SASS6: variants seen among roughly 807,000 people sequenced by gnomAD.
The protein encoded by SASS6 is SAS-6 centriolar assembly protein.
SASS6 carries 59 observed loss-of-function variants against 94.9 expected under a neutral mutation model. The ratio of observed to expected loss-of-function variants is 0.62; its 90% confidence interval spans 0.50 to 0.77. SASS6 has a LOEUF of 0.77. Ranked by LOEUF, SASS6 falls within the 30% of genes least tolerant of loss-of-function variation. SASS6 has a pLI of 0.00. For missense variants in SASS6, 698 were observed against 734.1 expected, an observed-to-expected ratio of 0.95 and a Z score of 0.57; for synonymous variants, 264 against 270.0, an observed-to-expected ratio of 0.98 and a Z score of 0.22.
chr1:100,125,860 C>CA, intron 2 of SASS6, 22 bp downstream of exon 2: 3 of 1,268,018 alleles, frequency 2.4e-6, no homozygotes, highest in African/African-American at 1.5e-5. Context: ...AATGATATTT[C>CA]AAAAAAGGAC....
chr1:100,130,941 G>T (rs989924132), intron 1 of SASS6, among the ~76,000 whole-genome samples: 1 of 152,156 alleles, frequency 6.6e-6, no homozygotes, highest in African/African-American at 2.4e-5. Context: ...TGGCCCATGT[G>T]CTCCAGTTTG....
At chr1:100,085,725 T>A in intron 15 of SASS6, 95 bp from the exon 16 acceptor site, 1 of 700,580 alleles carries the variant, frequency 1.4e-6, no homozygotes, top group Non-Finnish European at 2.4e-6. Flanking sequence ...ATAATGTAAC[T>A]AAGTTCTATT....
In SASS6 at chr1:100,110,628, C is replaced by T. The variant is rs1207490740; in HGVS notation, c.670-145G>A. The stretch of plus-strand genomic sequence containing the variant: ...TAATTTTGTCATCTTTCTTTAGATC[C>T]CCATTCTGAAAAGGGTCTATTTTCA... On this transcript the variant is annotated intron_variant, in intron 7 of 16. Coordinates refer to ENST00000287482, the MANE Select transcript of SASS6 (RefSeq NM_194292.3). 4 of 478,694 alleles carry T rather than the reference C, an allele frequency of 8.4e-6. No individual in the cohort carries two copies. The East Asian group carries it at 1.0e-4, about 12-fold the overall frequency. 29.7% of individuals were successfully genotyped at this position (478,694 alleles called of 1,614,324 possible). A position where few individuals can be genotyped will look rare whatever the true frequency, so the allele number is the denominator to read the frequency against.
At chr1:100,105,656 C>T in intron 13 of SASS6, 111 bp downstream of exon 13, 2 of 991,396 alleles carry the variant, frequency 2.0e-6, no homozygotes, top group Non-Finnish European at 3.0e-6. Context: ...TGTAGGACTC[C>T]ACTTTGTATT....
chr1:100,100,052 G>T (rs1021222583), intron 14 of SASS6, among the ~76,000 whole-genome samples: 1 of 152,046 alleles, frequency 6.6e-6, no homozygotes, highest in Admixed American at 6.6e-5. Context: ...GATCACTTGA[G>T]GTCAGGAGTT....
rs913001301 is a variant in SASS6, at chr1:100,102,997, C to T, written c.1632G>A (p.Ser544=). The T allele has an allele frequency of 3.7e-6, 6 of 1,611,058 alleles. No individual in the cohort carries two copies. The African/African-American group carries it at 4.0e-5, about 11-fold the overall frequency. The change falls in exon 14 of 17, where the codon TCG becomes TCA. Residue 544 remains serine, a synonymous_variant. Coordinates refer to ENST00000287482, the MANE Select transcript of SASS6 (RefSeq NM_194292.3). The part of the protein sequence containing the change: ...AFAFQNTFPH[S]ISAKNTSHPG... ...GGTGGCTGGTATTTTTGGCAGATATCGAATGAGGGAAGGTATTCTGGAATG... is the reference window on the plus strand; with the variant it reads ...GGTGGCTGGTATTTTTGGCAGATATTGAATGAGGGAAGGTATTCTGGAATG...
chr1:100,120,976 G>A (rs1226020526), intron 5 of SASS6, among the ~76,000 whole-genome samples: 2 of 150,118 alleles, frequency 1.3e-5, no homozygotes, highest in African/African-American at 2.5e-5. Context: ...CGTGAACCCG[G>A]GAGGCGGAGC....
In SASS6 at chr1:100,121,550, C is replaced by A; in HGVS notation, c.312-1G>T. On this transcript the variant is annotated splice_acceptor_variant, in intron 4 of 16. Coordinates refer to ENST00000287482, the MANE Select transcript of SASS6 (RefSeq NM_194292.3). LOFTEE classifies it high-confidence loss of function. ...TGGAGAAACTAACTGTAGCAAAAAC[C>A]TTTGAAAAGAAAATGTTACATTATA... 6.4e-7 allele frequency: 1 copy of A among 1,551,466 alleles called. No homozygotes were observed. Among genetic ancestry groups the A allele is most frequent in the Admixed American group, 1.9e-5 (1 of 53,836 alleles).
intron 14 of SASS6, among the ~76,000 whole-genome samples, chr1:100,102,675 CAA>C (rs67844941): frequency 2.7e-4 from 19 of 70,080 alleles, no homozygotes; most frequent in Admixed American, 7.6e-4. Flanking sequence ...AAGACTGTCT[CAA>C]AAAAAAAAAA....
In SASS6 at chr1:100,084,898, G is replaced by A. The variant is rs1196940397; in HGVS notation, c.*430C>T. On this transcript the variant is annotated 3_prime_UTR_variant, in exon 17 of 17. Coordinates refer to ENST00000287482, the MANE Select transcript of SASS6 (RefSeq NM_194292.3). Reference sequence around the variant, plus strand: ...AATCATTTTCCCTCATGATTTTCAGGTGTTGAATTTAAAAGTTTTACCAAT... The same window carrying A: ...AATCATTTTCCCTCATGATTTTCAGATGTTGAATTTAAAAGTTTTACCAAT... 1 of 153,918 alleles carries A rather than the reference G, an allele frequency of 6.5e-6. No individual in the cohort carries two copies. The highest frequency in any genetic ancestry group is 6.5e-5 in the Admixed American group (1 of 15,498). 9.5% of individuals were successfully genotyped at this position (153,918 alleles called of 1,614,324 possible). A position where few individuals can be genotyped will look rare whatever the true frequency, so the allele number is the denominator to read the frequency against.
At chr1:100,117,144 T>A (rs59927069) in intron 7 of SASS6, among the ~76,000 whole-genome samples, 6,268 of 151,320 alleles carry the variant, frequency 0.041, 324 homozygotes, top group African/African-American at 0.12. Flanking sequence ...AAATACAAAA[T>A]TTAGCCGGGC....
At chr1:100,132,416 A>G (rs772396735) in intron 1 of SASS6, among the ~76,000 whole-genome samples, 5 of 152,068 alleles carry the variant, frequency 3.3e-5, no homozygotes, top group Non-Finnish European at 4.4e-5. Flanking sequence ...GCCCTCACGT[A>G]AATTTTTTTA....
At chr1:100,089,653 GAAAATGAAGTCA>G (rs1417690674) in intron 14 of SASS6, among the ~76,000 whole-genome samples, 3 of 151,978 alleles carry the variant, frequency 2.0e-5, no homozygotes, top group African/African-American at 7.2e-5. Context: ...TATATTCAGA[GAAAATGAAGTCA>G]AAATAACAAC....
chr1:100,085,975 CAT>C (rs1169537784), intron 15 of SASS6, among the ~76,000 whole-genome samples: 17 of 152,260 alleles, frequency 1.1e-4, no homozygotes, highest in African/African-American at 3.9e-4. Context: ...ATTTCTAACT[CAT>C]ATTTAAAATA....
chr1:100,107,484 T>C lies in SASS6; in HGVS notation c.1216A>G (p.Thr406Ala). ...TLMGKLKLKN[T>A]VTIQQEKLLA... ...AGTTTTTCTTGCTGAATAGTAACTG[T>C]ATTCTTCAATTTCAACTTACCCATT... The change falls in exon 11 of 17, where the codon ACA becomes GCA. Residue 406 changes from threonine to alanine, a missense_variant. Transcript: ENST00000287482. 2 of 1,605,742 alleles carry C rather than the reference T, an allele frequency of 1.2e-6. No homozygotes were observed. Among genetic ancestry groups the C allele is most frequent in the Non-Finnish European group, 1.7e-6 (2 of 1,173,200 alleles).
At position 100,121,404 on chromosome 1, in the gene SASS6, G is replaced by T; in HGVS notation, c.457C>A (p.Leu153Ile). ...TTGCTACATTTCAAACAGCCTGCGA[G>T]AAATTTCTTTATCTCCACATCATTT... ...PGNDVEIKKF[L>I]AGCLKCSKEE... is the part of the protein sequence containing the mutation. Residue 153 changes from leucine (L) to isoleucine (I), a missense_variant, in exon 5 of 17, where the codon CTC becomes ATC. Physicochemically the swap from Leu to Ile is conservative, Grantham distance 5. Transcript: ENST00000287482. The T allele has an allele frequency of 6.3e-7, 1 of 1,581,036 alleles. No homozygotes were observed. Among genetic ancestry groups the T allele is most frequent in the South Asian group, 1.2e-5 (1 of 84,750 alleles).
intron 8 of SASS6, 34 bp downstream of exon 8, chr1:100,110,258 A>G: frequency 7.4e-7 from 1 of 1,343,562 alleles, no homozygotes; most frequent in East Asian, 2.5e-5. Flanking sequence ...ACGTTCTCTT[A>G]AATTGGGGGA....
intron 7 of SASS6, among the ~76,000 whole-genome samples, chr1:100,114,617 C>CTGAGG (rs1653650561): frequency 6.6e-6 from 1 of 152,002 alleles, no homozygotes; most frequent in Admixed American, 6.6e-5. Flanking sequence ...ACTCCAAAGA[C>CTGAGG]TGAGGTGGGA....
intron 2 of SASS6, 146 bp from the exon 3 acceptor site, chr1:100,123,435 A>G (rs1345196482): frequency 5.9e-6 from 3 of 507,080 alleles, no homozygotes; most frequent in Non-Finnish European, 1.1e-5. Flanking sequence ...CTGGTTTTTT[A>G]TTAGTCTTTA....
Sources: gnomAD v4.1 joint callset for allele counts (sites outside exome capture counted in the v4.1 genomes callset) on GRCh38, gnomAD v4.1.1 for gene constraint, MANE v1.5 for transcripts, NCBI Gene and HGNC (gene_info 2026-07-23, HGNC 2026-07-21) for gene names.